PBK: variants seen among roughly 807,000 people sequenced by gnomAD.
PBK encodes the protein PDZ binding kinase.
Under a neutral mutation model 33.5 loss-of-function variants are expected in PBK, and 22 were observed. The ratio of observed to expected loss-of-function variants is 0.66; its 90% CI spans 0.47 to 0.94. The LOEUF is 0.94. Ranked by LOEUF, PBK falls within the 40% of genes least tolerant of loss-of-function variation. The pLI is 0.00. For missense variants in PBK, 376 were observed against 383.4 expected (o/e 0.98, Z 0.16); for synonymous variants, 129 against 123.8 (o/e 1.04, Z -0.28).
At chr8:27,827,982 C>A in intron 3 of PBK, 123 bp downstream of exon 3, 1 of 543,072 alleles carries the variant, frequency 1.8e-6, no homozygotes, top group South Asian at 2.8e-5. Context: ...ATACAGCCAT[C>A]AGCCAGGATC....
intron 1 of PBK, among the ~76,000 whole-genome samples, chr8:27,837,008 C>T (rs1806238517): frequency 6.6e-6 from 1 of 152,130 alleles, no homozygotes; most frequent in Non-Finnish European, 1.5e-5. Context: ...GCATTCTTAA[C>T]ATTAATTGTT....
At chr8:27,813,410 A>G (rs953965499) in intron 6 of PBK, among the ~76,000 whole-genome samples, 8 of 152,156 alleles carry the variant, frequency 5.3e-5, no homozygotes, top group African/African-American at 1.4e-4. Context: ...ATGTATACCT[A>G]TGTAACAAAC....
Position 27,823,013 on chromosome 8 carries a change from C to A in PBK, c.295+50G>T, listed in dbSNP as rs727812. The A allele has an allele frequency of 1.3e-3, 1,601 of 1,249,020 alleles. 13 individuals are homozygous for A. In the African/African-American group the frequency reaches 0.021, roughly 17 times the overall value. The allele number at this position is 1,249,020 out of a possible 1,614,324, so 77.4% of individuals were successfully genotyped here. On this transcript the variant is annotated intron_variant, in intron 4 of 7. Transcript: ENST00000301905. The stretch of plus-strand genomic sequence containing the variant: ...AGTTAAGAGAGCATATAAGCTGTTT[C>A]TGAATAAACAAAATAATATACCAGA...
In PBK at chr8:27,816,119, A is replaced by G. The variant is rs1325174398; in HGVS notation, c.595+4446T>C. On this transcript the variant is annotated intron_variant, in intron 6 of 7. Coordinates refer to ENST00000301905, the MANE Select transcript of PBK (RefSeq NM_018492.4). ...CGAGGCCTTCCTCAACATCTAGACT[A>G]GGTTAAGGGCCACTGCTGTGTTTAT... 2.6e-5 allele frequency among the ~76,000 whole-genome samples: 4 copies of G among 151,978 alleles called. No homozygotes were observed. The East Asian group carries it at 7.7e-4, about 29-fold the overall frequency.
chr8:27,834,028 CTTTT>C (rs71762494), intron 1 of PBK, among the ~76,000 whole-genome samples: 17 of 139,038 alleles, frequency 1.2e-4, no homozygotes, highest in Non-Finnish European at 1.4e-4. Flanking sequence ...TATGATGATC[CTTTT>C]TTTTTTTTTT....
chr8:27,833,464 G>A (rs369812817), intron 1 of PBK, among the ~76,000 whole-genome samples: 5 of 151,586 alleles, frequency 3.3e-5, no homozygotes, highest in East Asian at 3.9e-4. Flanking sequence ...AGCCGAGATC[G>A]TGCCATTGCA....
chr8:27,819,928 T>A (rs1805887583), intron 6 of PBK, among the ~76,000 whole-genome samples: 1 of 152,194 alleles, frequency 6.6e-6, no homozygotes, highest in Admixed American at 6.5e-5. Flanking sequence ...AACTTTTACT[T>A]CAGCTAGAAA....
intron 7 of PBK, 71 bp from the exon 8 acceptor site, chr8:27,810,572 C>T (rs901191117): frequency 2.4e-6 from 2 of 838,960 alleles, no homozygotes; most frequent in Admixed American, 4.8e-5. Context: ...ATAGCTCACC[C>T]TTCTCCTGAA....
At chr8:27,814,922 A>T (rs1271209312) in intron 6 of PBK, among the ~76,000 whole-genome samples, 1 of 152,240 alleles carries the variant, frequency 6.6e-6, no homozygotes, top group African/African-American at 2.4e-5. Flanking sequence ...GGATAAACTC[A>T]AACTCTTACA....
At chr8:27,830,779 T>C (rs1806114799) in intron 2 of PBK, among the ~76,000 whole-genome samples, 3 of 152,144 alleles carry the variant, frequency 2.0e-5, no homozygotes, top group Admixed American at 1.3e-4. Context: ...TTAAAGGAAA[T>C]TAAAGTTGTC....
chr8:27,816,625 C>T (rs888577873), intron 6 of PBK, among the ~76,000 whole-genome samples: 9 of 151,842 alleles, frequency 5.9e-5, no homozygotes, highest in Admixed American at 5.9e-4. Flanking sequence ...ATTTGCCCGC[C>T]TCGGCCTCCC....
At chr8:27,822,546 C>G (rs1256044536) in intron 4 of PBK, 58 bp from the exon 5 acceptor site, 12 of 1,167,808 alleles carry the variant, frequency 1.0e-5, no homozygotes, top group Non-Finnish European at 1.3e-5. Flanking sequence ...ATATTTAAGT[C>G]CTTTATAGTA....
At chr8:27,817,145 G>A (rs1406490805) in intron 6 of PBK, among the ~76,000 whole-genome samples, 4 of 152,060 alleles carry the variant, frequency 2.6e-5, no homozygotes, top group African/African-American at 9.7e-5. Context: ...TCCAGGTAAA[G>A]GAGCTGCCAA....
intron 6 of PBK, among the ~76,000 whole-genome samples, chr8:27,818,257 C>A (rs112396010): frequency 3.5e-4 from 53 of 152,362 alleles, no homozygotes; most frequent in African/African-American, 1.2e-3. Context: ...ACAGCAGTTA[C>A]AAGTTCTACT....
chr8:27,830,302 T>C (rs1806104843), intron 2 of PBK, among the ~76,000 whole-genome samples: 1 of 136,664 alleles, frequency 7.3e-6, no homozygotes, highest in Non-Finnish European at 1.6e-5. Flanking sequence ...CAAAGGAAAA[T>C]CTGAGCATAA....
intron 3 of PBK, 47 bp from the exon 4 acceptor site, chr8:27,823,252 A>C (rs1468595230): frequency 1.1e-5 from 13 of 1,212,988 alleles, no homozygotes; most frequent in Middle Eastern, 2.4e-4. Context: ...ATAAAACCAC[A>C]ATACTTTTTA....
intron 6 of PBK, among the ~76,000 whole-genome samples, chr8:27,813,917 TATC>T (rs986726618): frequency 7.4e-5 from 11 of 148,246 alleles, no homozygotes; most frequent in African/African-American, 1.5e-4. Context: ...TTTTTTTTCT[TATC>T]AGTTTATTTT....
Position 27,831,723 on chromosome 8 carries a change from G to A in PBK, c.58+1333C>T, listed in dbSNP as rs140344244. Among the ~76,000 whole-genome samples the A allele has an allele frequency of 7.9e-3, 1,208 of 152,212 alleles. 14 individuals carry two copies. Among genetic ancestry groups the A allele is most frequent in the African/African-American group, 0.028 (1,143 of 41,524 alleles). ...AAAAAGGACACTAGAAGGTTAATAA[G>A]GGTGTATCAAGAATAACTTCACACC... On this transcript the variant is annotated intron_variant, in intron 2 of 7. Coordinates refer to ENST00000301905, the MANE Select transcript of PBK (RefSeq NM_018492.4).
intron 2 of PBK, among the ~76,000 whole-genome samples, chr8:27,828,921 T>C (rs10100815): frequency 0.16 from 23,914 of 152,066 alleles, 2,393 homozygotes; most frequent in East Asian, 0.37. Flanking sequence ...AGAGCAGTGT[T>C]GTGATGCCTG....
Sources: gnomAD v4.1 joint callset for allele counts (sites outside exome capture counted in the v4.1 genomes callset) on GRCh38, gnomAD v4.1.1 for gene constraint, MANE v1.5 for transcripts, NCBI Gene and HGNC (gene_info 2026-07-23, HGNC 2026-07-21) for gene names.